MAP3K14: variants seen among roughly 807,000 people sequenced by gnomAD.
The protein encoded by MAP3K14 is mitogen-activated protein kinase kinase kinase 14.
Under a neutral mutation model 99.2 loss-of-function variants are expected in MAP3K14, and 16 were observed. The observed-to-expected ratio is 0.16, with a 90% CI of 0.11 to 0.24. The LOEUF (loss-of-function observed/expected upper bound fraction) is 0.24. MAP3K14 is among the 10% of genes least tolerant of loss of function. The pLI, the probability that MAP3K14 is intolerant of heterozygous loss-of-function variation, is 1.00. For missense variants in MAP3K14, 784 were observed against 1,208.7 expected, an observed-to-expected ratio of 0.65 and a Z score of 5.21; for synonymous variants, 462 against 492.4, an observed-to-expected ratio of 0.94 and a Z score of 0.82.
At chr17:45,315,913 T>C (rs977219347) in intron 1 of MAP3K14, among the ~76,000 whole-genome samples, 1 of 152,136 alleles carries the variant, frequency 6.6e-6, no homozygotes, top group African/African-American at 2.4e-5. Context: ...ACTGTCTCCT[T>C]CTAATCTTTC....
intron 2 of MAP3K14, among the ~76,000 whole-genome samples, chr17:45,290,224 C>T (rs909668091): frequency 2.0e-5 from 3 of 152,222 alleles, no homozygotes; most frequent in Non-Finnish European, 4.4e-5. Flanking sequence ...CTTGATGATT[C>T]TGCAGAGTCC....
intron 2 of MAP3K14, 70 bp downstream of exon 2, chr17:45,290,420 C>T (rs2044301143): frequency 1.9e-6 from 3 of 1,584,646 alleles, no homozygotes; most frequent in Non-Finnish European, 2.6e-6. Flanking sequence ...CATAGGGAAC[C>T]CCTGGGCCCA....
intron 3 of MAP3K14, among the ~76,000 whole-genome samples, chr17:45,287,902 T>C (rs2044280200): frequency 6.6e-6 from 1 of 152,194 alleles, no homozygotes; most frequent in Admixed American, 6.5e-5. Flanking sequence ...CTGGCTGCTG[T>C]TGAAGGTGAA....
intron 8 of MAP3K14, 95 bp downstream of exon 8, chr17:45,274,028 G>A: frequency 4.8e-6 from 7 of 1,443,380 alleles, no homozygotes; most frequent in Non-Finnish European, 6.6e-6. Flanking sequence ...TGCTACTGGG[G>A]ATGACCAGGC....
At chr17:45,281,335 T>A (rs1479896911) in intron 6 of MAP3K14, among the ~76,000 whole-genome samples, 1 of 150,044 alleles carries the variant, frequency 6.7e-6, no homozygotes, top group Admixed American at 6.7e-5. Context: ...CCGCACCGCC[T>A]GATCTTTCTT....
At chr17:45,289,601 T>A (rs949304308) in intron 2 of MAP3K14, among the ~76,000 whole-genome samples, 4 of 152,232 alleles carry the variant, frequency 2.6e-5, no homozygotes, top group African/African-American at 9.6e-5. Flanking sequence ...TGAAGTGAGA[T>A]GATCTACAGA....
At chr17:45,270,879 G>T in intron 10 of MAP3K14, 179 bp downstream of exon 10, 2 of 921,782 alleles carry the variant, frequency 2.2e-6, no homozygotes, top group Non-Finnish European at 3.3e-6. Flanking sequence ...AGCCTCCGCA[G>T]CTGGATCTCC....
Position 45,270,598 on chromosome 17 carries a change from T to A in MAP3K14, c.1822-35A>T, listed in dbSNP as rs188796625. On this transcript the variant is annotated intron_variant, in intron 10 of 15. Coordinates refer to ENST00000344686, the MANE Select transcript of MAP3K14 (RefSeq NM_003954.5). Reference sequence around the variant, plus strand: ...AAAAGACAACAGGTGAGGCCTGCCTTCCCTCATTTCCTGATACCCGGCTGT... The same window carrying A: ...AAAAGACAACAGGTGAGGCCTGCCTACCCTCATTTCCTGATACCCGGCTGT... The A allele has an allele frequency of 2.0e-4, 304 of 1,512,008 alleles. 2 individuals carry two copies. In the African/African-American group the frequency reaches 3.4e-3, roughly 17 times the overall value. The allele number at this position is 1,512,008 out of a possible 1,614,324, so 93.7% of individuals were successfully genotyped here.
At chr17:45,290,842 G>T in intron 1 of MAP3K14, 77 bp from the exon 2 acceptor site, 1 of 1,468,250 alleles carries the variant, frequency 6.8e-7, no homozygotes. Context: ...TGGGTTGGGG[G>T]AGAAAGGCAG....
chr17:45,289,226 C>T lies in MAP3K14; in HGVS notation c.326+10G>A, dbSNP rs372339711. 1.6e-3 allele frequency: 2,537 copies of T among 1,613,466 alleles called. 12 individuals carry two copies. The highest frequency in any genetic ancestry group is 8.2e-3 in the South Asian group (751 of 91,060). On this transcript the variant is annotated intron_variant, in intron 3 of 15. Coordinates refer to ENST00000344686, the MANE Select transcript of MAP3K14 (RefSeq NM_003954.5). The stretch of plus-strand genomic sequence containing the variant: ...CCACCTTCCCACTCAGGCTTGTCTC[C>T]CCTGCTTACCTGTACTGTTTGGACC...
At chr17:45,296,361 C>CA (rs1362793162) in intron 1 of MAP3K14, among the ~76,000 whole-genome samples, 1 of 151,888 alleles carries the variant, frequency 6.6e-6, no homozygotes, top group Non-Finnish European at 1.5e-5. Context: ...TTCATCTCTA[C>CA]AAAAAATTAA....
intron 6 of MAP3K14, among the ~76,000 whole-genome samples, chr17:45,276,545 T>C (rs2044181430): frequency 6.6e-6 from 1 of 152,024 alleles, no homozygotes; most frequent in African/African-American, 2.4e-5. Context: ...AGAGTCTCGC[T>C]GTGTCGCCCA....
At chr17:45,309,401 C>T (rs1183105187) in intron 1 of MAP3K14, among the ~76,000 whole-genome samples, 2 of 152,204 alleles carry the variant, frequency 1.3e-5, no homozygotes, top group African/African-American at 4.8e-5. Flanking sequence ...TGGCTCCTGA[C>T]CAGCACCGGG....
At chr17:45,297,798 C>T (rs1350577120) in intron 1 of MAP3K14, among the ~76,000 whole-genome samples, 1 of 148,196 alleles carries the variant, frequency 6.7e-6, no homozygotes, top group Admixed American at 6.9e-5. Flanking sequence ...TGGCTCACTG[C>T]AACCTCAGCA....
At chr17:45,269,862 G>A (rs1224275223) in intron 11 of MAP3K14, among the ~76,000 whole-genome samples, 2 of 152,188 alleles carry the variant, frequency 1.3e-5, no homozygotes, top group Non-Finnish European at 2.9e-5. Context: ...AGTTCTGTGA[G>A]CCACTCCAGC....
Position 45,266,630 on chromosome 17 carries a change from G to A in MAP3K14, c.2485C>T (p.His829Tyr), listed in dbSNP as rs369646866. Residue 829 changes from histidine to tyrosine, a missense_variant, in exon 14 of 16, where the codon CAC (histidine) becomes TAC (tyrosine). By Grantham distance (83) the His-to-Tyr change is moderately conservative (BLOSUM62 2). Transcript: ENST00000344686. ...SSRDTLSSGV[H>Y]SWSSQAEARS... The stretch of plus-strand genomic sequence containing the variant: ...GCCTCGGCCTGGCTGCTCCAGGAGT[G>A]TACGCCTGAGCTCAGGGTGTCCCGC... 5.0e-6 allele frequency: 8 copies of A among 1,613,602 alleles called. No individual in the cohort carries two copies. Among genetic ancestry groups the A allele is most frequent in the Non-Finnish European group, 6.8e-6 (8 of 1,179,754 alleles).
intron 1 of MAP3K14, among the ~76,000 whole-genome samples, chr17:45,314,438 T>A (rs905578235): frequency 6.6e-6 from 1 of 152,132 alleles, no homozygotes; most frequent in South Asian, 2.1e-4. Context: ...TCCACTGACA[T>A]GGAATTGTCC....
intron 6 of MAP3K14, chr17:45,282,042 C>T (rs1037747369): frequency 2.6e-5 from 4 of 152,216 alleles, no homozygotes; most frequent in African/African-American, 4.8e-5. Flanking sequence ...GTCCTATTCT[C>T]AGAGGTAACT....
chr17:45,303,773 G>A (rs1390771933), intron 1 of MAP3K14, among the ~76,000 whole-genome samples: 17 of 149,288 alleles, frequency 1.1e-4, no homozygotes, highest in African/African-American at 3.2e-4. Context: ...TAGTAGAGAC[G>A]GGGTTTCACC....
Sources: allele counts gnomAD v4.1 joint callset (sites outside exome capture counted in the v4.1 genomes callset), GRCh38; gene constraint gnomAD v4.1.1; transcripts MANE v1.5; gene names NCBI Gene and HGNC (gene_info 2026-07-23, HGNC 2026-07-21).